GULP1: variants seen among roughly 807,000 people sequenced by gnomAD.
GULP1 encodes GULP PTB domain containing engulfment adaptor 1.
A neutral mutation model predicts 40.9 loss-of-function variants in GULP1; 19 were observed. That is an observed-to-expected ratio of 0.46 (90% CI 0.32 to 0.68). GULP1 has a LOEUF of 0.68. Ranked by LOEUF, GULP1 falls within the 30% of genes least tolerant of loss-of-function variation. The pLI, the probability that GULP1 is intolerant of heterozygous loss-of-function variation, is 0.03. For missense variants in GULP1, 312 were observed against 362.2 expected (o/e 0.86, Z 1.12); for synonymous variants, 119 against 117.6 (o/e 1.01, Z -0.08).
intron 2 of GULP1, among the ~76,000 whole-genome samples, chr2:188,421,529 A>C (rs1337869069): frequency 6.6e-6 from 1 of 152,152 alleles, no homozygotes; most frequent in Non-Finnish European, 1.5e-5. Context: ...ACTTTTATCA[A>C]CCTACTTTAC....
intron 2 of GULP1, among the ~76,000 whole-genome samples, chr2:188,434,328 T>G (rs2057201638): frequency 1.3e-5 from 2 of 149,240 alleles, no homozygotes; most frequent in South Asian, 4.2e-4. Context: ...TTTCTTTTTC[T>G]TTTTTTTTTA....
intron 1 of GULP1, among the ~76,000 whole-genome samples, chr2:188,343,331 A>G (rs754188311): frequency 5.3e-5 from 8 of 151,946 alleles, no homozygotes; most frequent in Admixed American, 2.0e-4. Context: ...TGATCTATAC[A>G]TACTTAAAGC....
At chr2:188,550,188 A>G (rs1194516564) in intron 7 of GULP1, among the ~76,000 whole-genome samples, 4 of 151,722 alleles carry the variant, frequency 2.6e-5, no homozygotes, top group Admixed American at 2.6e-4. Flanking sequence ...TATCTGAAAA[A>G]TAAAGTATGG....
At chr2:188,487,382 C>G (rs931518688) in intron 4 of GULP1, among the ~76,000 whole-genome samples, 2 of 152,110 alleles carry the variant, frequency 1.3e-5, no homozygotes, top group Middle Eastern at 3.4e-3. Flanking sequence ...TACTACCTTA[C>G]TTTGCATGAG....
At chr2:188,303,270 C>G (rs1221302197) in intron 1 of GULP1, among the ~76,000 whole-genome samples, 1 of 152,030 alleles carries the variant, frequency 6.6e-6, no homozygotes, top group African/African-American at 2.4e-5. Context: ...AGGAATAACC[C>G]AAATCTGAGA....
At chr2:188,476,322 A>G (rs993084897) in intron 2 of GULP1, among the ~76,000 whole-genome samples, 23 of 152,146 alleles carry the variant, frequency 1.5e-4, no homozygotes, top group African/African-American at 5.6e-4. Context: ...TTCCAGAATC[A>G]TGCAGAGCTT....
chr2:188,342,108 T>C (rs2043050136), intron 1 of GULP1, among the ~76,000 whole-genome samples: 1 of 152,186 alleles, frequency 6.6e-6, no homozygotes, highest in Non-Finnish European at 1.5e-5. Context: ...TGATTAAATA[T>C]TGGGTTAGTA....
intron 2 of GULP1, among the ~76,000 whole-genome samples, chr2:188,395,889 G>C (rs969636388): frequency 7.2e-5 from 11 of 152,144 alleles, no homozygotes; most frequent in Admixed American, 6.5e-4. Flanking sequence ...TAGCCTCTGT[G>C]AGATTTATTG....
chr2:188,508,920 G>C (rs73042422), intron 4 of GULP1, among the ~76,000 whole-genome samples: 1 of 151,824 alleles, frequency 6.6e-6, no homozygotes, highest in South Asian at 2.1e-4. Context: ...GTAAGTACAG[G>C]GGACATCTAT....
At chr2:188,297,005 A>G (rs1411815042) in intron 1 of GULP1, among the ~76,000 whole-genome samples, 2 of 151,764 alleles carry the variant, frequency 1.3e-5, no homozygotes, top group African/African-American at 4.8e-5. Context: ...CTTATGATAC[A>G]TATATATTCT....
At chr2:188,346,754 T>C (rs1409152236) in intron 1 of GULP1, among the ~76,000 whole-genome samples, 1 of 152,014 alleles carries the variant, frequency 6.6e-6, no homozygotes, top group Non-Finnish European at 1.5e-5. Flanking sequence ...GGGCGAATCA[T>C]GAGGTCAAGA....
Position 188,323,659 on chromosome 2 carries a change from T to A in GULP1, c.-172+31493T>A, listed in dbSNP as rs10931349. On this transcript the variant is annotated intron_variant, in intron 1 of 11. Transcript: ENST00000409830. ...GGAGATATCTGAAGATATGTGTGTG[T>A]GTGTGTGTGTGTGTGTGTGTGTGTG... 0.017 allele frequency among the ~76,000 whole-genome samples: 326 copies of A among 19,172 alleles called. 10 individuals are homozygous for A. The Admixed American group carries it at 0.19, about 11-fold the overall frequency. 12.6% of individuals were successfully genotyped at this position (19,172 alleles called of 152,430 possible).
At chr2:188,326,417 C>G (rs148598878) in intron 1 of GULP1, among the ~76,000 whole-genome samples, 1 of 151,950 alleles carries the variant, frequency 6.6e-6, no homozygotes, top group South Asian at 2.1e-4. Context: ...AAATAGTTTG[C>G]CTTTTAGATA....
chr2:188,587,317 T>C (rs1702593270), intron 10 of GULP1, among the ~76,000 whole-genome samples: 1 of 152,088 alleles, frequency 6.6e-6, no homozygotes, highest in Non-Finnish European at 1.5e-5. Flanking sequence ...TCATTGTGAC[T>C]ATCTAGAAAG....
At chr2:188,335,521 G>A (rs1453886463) in intron 1 of GULP1, among the ~76,000 whole-genome samples, 1 of 152,078 alleles carries the variant, frequency 6.6e-6, no homozygotes, top group Admixed American at 6.6e-5. Context: ...TGTGGATTGG[G>A]TACCATTCTT....
At chr2:188,433,100 CTA>C (rs1226105473) in intron 2 of GULP1, among the ~76,000 whole-genome samples, 1 of 152,008 alleles carries the variant, frequency 6.6e-6, no homozygotes, top group African/African-American at 2.4e-5. Context: ...TTTGAAGACT[CTA>C]TATTTTAAAA....
Position 188,401,228 on chromosome 2 carries a change from A to T in GULP1, c.-45+17339A>T, listed in dbSNP as rs947974023. On this transcript the variant is annotated intron_variant, in intron 2 of 11. Transcript: ENST00000409830. The stretch of plus-strand genomic sequence containing the variant: ...GAATTAAATAATGACATATAGAAAT[A>T]ATTTTTAATAGCATATGAAATAACT... Among the ~76,000 whole-genome samples the T allele has an allele frequency of 4.9e-4, 74 of 152,246 alleles. 1 individual carries two copies. In the Middle Eastern group the frequency reaches 0.01, roughly 21 times the overall value.
intron 2 of GULP1, among the ~76,000 whole-genome samples, chr2:188,410,904 C>T (rs1252092952): frequency 6.6e-6 from 1 of 152,162 alleles, no homozygotes; most frequent in East Asian, 1.9e-4. Context: ...TAATCCTTAC[C>T]TTGAGTAAAT....
intron 2 of GULP1, among the ~76,000 whole-genome samples, chr2:188,447,737 AATAG>A (rs2058512632): frequency 1.3e-5 from 2 of 152,336 alleles, no homozygotes; most frequent in East Asian, 3.9e-4. Flanking sequence ...CTAGGTGCCA[AATAG>A]ATAGTATATC....
Sources: gnomAD v4.1 joint callset for allele counts (sites outside exome capture counted in the v4.1 genomes callset) on GRCh38, gnomAD v4.1.1 for gene constraint, MANE v1.5 for transcripts, NCBI Gene and HGNC (gene_info 2026-07-23, HGNC 2026-07-21) for gene names.